The following RNLS variants were observed in gnomAD, a reference collection of about 807,000 sequenced individuals.
RNLS encodes the protein renalase.
In RNLS, 39 loss-of-function variants were observed where a neutral mutation model predicts 39.8. The observed-to-expected ratio is 0.98, with a 90% confidence interval of 0.76 to 1.28. The LOEUF (loss-of-function observed/expected upper bound fraction) is 1.28, where lower values mean the gene tolerates loss of function less well. RNLS is among the 50% of genes most tolerant of loss of function. The pLI, the probability that RNLS is intolerant of heterozygous loss-of-function variation, is 0.00. For synonymous variants in RNLS, 147 were observed against 150.7 expected (o/e 0.98, Z 0.18); for missense variants, 410 against 413.3 (o/e 0.99, Z 0.07).
At chr10:88,185,314 A>G in the RNLS span, among the ~76,000 whole-genome samples, 2 of 152,106 alleles carry the variant, frequency 1.3e-5, no homozygotes, top group Non-Finnish European at 2.9e-5. Flanking sequence ...TACCTTTGAA[A>G]TGCCTTTCAG....
At chr10:88,397,314 G>A (rs1852619577) in intron 4 of RNLS, among the ~76,000 whole-genome samples, 1 of 151,770 alleles carries the variant, frequency 6.6e-6, no homozygotes, top group Non-Finnish European at 1.5e-5. Flanking sequence ...ATAATAGACA[G>A]AAACATAGAC....
chr10:88,338,862 C>T (rs569196404), intron 5 of RNLS, among the ~76,000 whole-genome samples: 54 of 151,364 alleles, frequency 3.6e-4, no homozygotes, highest in Middle Eastern at 6.8e-3. Context: ...CCCGGGCTCA[C>T]GCCGTTCTCC....
intron 5 of RNLS, among the ~76,000 whole-genome samples, chr10:88,351,349 T>G (rs1848693638): frequency 1.3e-5 from 2 of 152,226 alleles, no homozygotes; most frequent in Non-Finnish European, 2.9e-5. Flanking sequence ...CTTCTATGGT[T>G]TTTATGGTTT....
rs117605723 is a variant in RNLS, at chr10:88,287,592, C to A, written c.877-2086G>T. Among the ~76,000 whole-genome samples the A allele has an allele frequency of 2.5e-3, 385 of 152,194 alleles. 5 individuals carry two copies. In the East Asian group the frequency reaches 0.038, roughly 15 times the overall value. On this transcript the variant is annotated intron_variant, in intron 6 of 6. Transcript: ENST00000331772. ...TTCATTCTCACACTGCTATTAAGAA[C>A]TTCCCTGAGACTGGGTAATTTATAA... is the stretch of plus-strand genomic sequence containing the variant.
At chr10:88,355,007 G>A (rs1022281881) in intron 5 of RNLS, among the ~76,000 whole-genome samples, 3 of 151,910 alleles carry the variant, frequency 2.0e-5, no homozygotes, top group Non-Finnish European at 2.9e-5. Flanking sequence ...TGATTGAATC[G>A]GCTACTGAAG....
At chr10:88,447,266 A>G (rs948281246) in intron 4 of RNLS, among the ~76,000 whole-genome samples, 1 of 152,190 alleles carries the variant, frequency 6.6e-6, no homozygotes, top group Non-Finnish European at 1.5e-5. Context: ...AGAAAACCCC[A>G]TCGTCTTACC....
the RNLS span, among the ~76,000 whole-genome samples, chr10:88,234,073 C>G: frequency 6.7e-6 from 1 of 148,312 alleles, no homozygotes; most frequent in Admixed American, 6.9e-5. Flanking sequence ...ATGGCCCTGA[C>G]CCCCCTGCAG....
intron 4 of RNLS, among the ~76,000 whole-genome samples, chr10:88,402,438 A>T (rs1278283918): frequency 6.6e-6 from 1 of 151,956 alleles, no homozygotes; most frequent in Non-Finnish European, 1.5e-5. Flanking sequence ...CTGGAAAAAA[A>T]AACCAATAAC....
chr10:88,432,321 C>T (rs1194099865), intron 4 of RNLS, among the ~76,000 whole-genome samples: 2 of 151,652 alleles, frequency 1.3e-5, no homozygotes, highest in Non-Finnish European at 3.0e-5. Flanking sequence ...ATTATTCATC[C>T]TTTTTACTTT....
the RNLS span, among the ~76,000 whole-genome samples, chr10:88,180,051 A>G: frequency 1.3e-5 from 2 of 152,364 alleles, no homozygotes; most frequent in East Asian, 3.8e-4. Context: ...GTTCTTACGG[A>G]AACCACACTT....
At chr10:88,353,158 G>T (rs374103086) in intron 5 of RNLS, among the ~76,000 whole-genome samples, 1 of 152,052 alleles carries the variant, frequency 6.6e-6, no homozygotes, top group East Asian at 1.9e-4. Context: ...CCAGCTCCTG[G>T]ATTCATTGAT....
intron 4 of RNLS, among the ~76,000 whole-genome samples, chr10:88,468,848 AAG>A (rs1055517663): frequency 2.0e-5 from 3 of 152,184 alleles, no homozygotes; most frequent in African/African-American, 7.2e-5. Context: ...AAGTTGAACC[AAG>A]AACTCTTGAT....
intron 4 of RNLS, among the ~76,000 whole-genome samples, chr10:88,475,093 A>G (rs1463964606): frequency 6.6e-6 from 1 of 152,126 alleles, no homozygotes; most frequent in Non-Finnish European, 1.5e-5. Context: ...ACAATGTGAG[A>G]TGTAATGAAG....
intron 4 of RNLS, among the ~76,000 whole-genome samples, chr10:88,412,778 G>C (rs1422064773): frequency 5.3e-5 from 8 of 152,064 alleles, no homozygotes; most frequent in Non-Finnish European, 1.5e-5. Flanking sequence ...CTTCCCAATT[G>C]CTTTCTATAG....
At chr10:88,179,365 A>G in the RNLS span, among the ~76,000 whole-genome samples, 1 of 152,222 alleles carries the variant, frequency 6.6e-6, no homozygotes, top group Non-Finnish European at 1.5e-5. Flanking sequence ...GTAGCAGGCT[A>G]GTTAGTAGAA....
intron 4 of RNLS, among the ~76,000 whole-genome samples, chr10:88,484,510 A>G (rs1163734007): frequency 6.6e-6 from 1 of 151,998 alleles, no homozygotes; most frequent in Non-Finnish European, 1.5e-5. Context: ...CTTTTTCCAT[A>G]AAAGTTTTTA....
chr10:88,188,472 C>T, the RNLS span, among the ~76,000 whole-genome samples: 4 of 152,194 alleles, frequency 2.6e-5, no homozygotes, highest in East Asian at 3.9e-4. Context: ...TAAAATCAGG[C>T]TTTACAAGCA....
At chr10:88,479,515 C>T (rs1339648205) in intron 4 of RNLS, among the ~76,000 whole-genome samples, 5 of 152,056 alleles carry the variant, frequency 3.3e-5, no homozygotes, top group Non-Finnish European at 1.5e-5. Context: ...AAATGGTAAG[C>T]ATTAGTCCTC....
chr10:88,332,719 T>G (rs1311083682), intron 5 of RNLS, among the ~76,000 whole-genome samples: 1 of 152,234 alleles, frequency 6.6e-6, no homozygotes, highest in African/African-American at 2.4e-5. Context: ...ACAGGTTAAC[T>G]ATCTATTTTA....
Sources: allele counts gnomAD v4.1 joint callset (sites outside exome capture counted in the v4.1 genomes callset), GRCh38; gene constraint gnomAD v4.1.1; transcripts MANE v1.5; gene names NCBI Gene and HGNC (gene_info 2026-07-23, HGNC 2026-07-21).